The following CYP2C19 variants were observed in gnomAD, a reference collection of about 807,000 sequenced individuals.
The protein encoded by CYP2C19 is cytochrome P450 family 2 subfamily C member 19.
A neutral mutation model predicts 40.9 loss-of-function variants in CYP2C19; 59 were observed. The observed-to-expected ratio is 1.44, with a 90% CI of 1.17 to 1.79. The LOEUF (loss-of-function observed/expected upper bound fraction) is 1.79, where lower values mean the gene tolerates loss of function less well. Ranked by LOEUF, CYP2C19 falls within the 40% of genes most tolerant of loss-of-function variation. The pLI is 0.00. For synonymous variants in CYP2C19, 253 were observed against 208.7 expected (o/e 1.21, Z -1.83); for missense variants, 754 against 596.9 (o/e 1.26, Z -2.74).
intron 5 of CYP2C19, among the ~76,000 whole-genome samples, chr10:94,793,578 A>G (rs550115188): frequency 6.6e-6 from 1 of 152,132 alleles, no homozygotes; most frequent in East Asian, 1.9e-4. Context: ...TCCTTCTAAT[A>G]GTCAGGACTC....
chr10:94,833,892 T>C (rs1245835601), intron 6 of CYP2C19, among the ~76,000 whole-genome samples: 1 of 152,192 alleles, frequency 6.6e-6, no homozygotes, highest in Admixed American at 6.5e-5. Flanking sequence ...TATTGTTGAA[T>C]GTGGTTTCCT....
chr10:94,822,283 T>G (rs1301786906), intron 6 of CYP2C19, among the ~76,000 whole-genome samples: 1 of 152,156 alleles, frequency 6.6e-6, no homozygotes, highest in East Asian at 1.9e-4. Context: ...AAGTCTCTGA[T>G]AGCAAGACTT....
chr10:94,820,475 A>G (rs961133880), intron 5 of CYP2C19, 21 bp from the exon 6 acceptor site: 1 of 1,613,500 alleles, frequency 6.2e-7, no homozygotes. Flanking sequence ...TTGTCAGATA[A>G]TTGCATCAAA....
At chr10:94,807,086 A>G (rs927785180) in intron 5 of CYP2C19, among the ~76,000 whole-genome samples, 1 of 151,956 alleles carries the variant, frequency 6.6e-6, no homozygotes, top group Non-Finnish European at 1.5e-5. Context: ...TCTGTTCTCT[A>G]TTTCTGTGAG....
chr10:94,851,645 A>G (rs945889821), intron 8 of CYP2C19, among the ~76,000 whole-genome samples: 5 of 152,210 alleles, frequency 3.3e-5, no homozygotes, highest in Non-Finnish European at 5.9e-5. Flanking sequence ...CAGCAAGTTC[A>G]CTGTCTGGTG....
chr10:94,843,389 C>T (rs968329959), intron 7 of CYP2C19, among the ~76,000 whole-genome samples: 3 of 152,186 alleles, frequency 2.0e-5, no homozygotes, highest in African/African-American at 7.2e-5. Flanking sequence ...GACATCTTGA[C>T]ACCTTGAGTC....
chr10:94,853,287 T>C lies in CYP2C19; in HGVS notation c.*373T>C. On this transcript the variant is annotated 3_prime_UTR_variant, in exon 9 of 9. Transcript: ENST00000371321. ...TCAGGTTATTAGACCTTCCTTCCTT[T>C]GTGCATAATGCAGGTGACAAATTAA... 1 of 374,662 alleles carries C rather than the reference T, an allele frequency of 2.7e-6. No homozygotes were observed. The highest frequency in any genetic ancestry group is 4.9e-6 in the Non-Finnish European group (1 of 205,214). The allele number at this position is 374,662 out of a possible 1,614,324, so 23.2% of individuals were successfully genotyped here.
intron 3 of CYP2C19, 129 bp downstream of exon 3, chr10:94,775,668 G>T: frequency 1.3e-6 from 2 of 1,523,212 alleles, no homozygotes; most frequent in Non-Finnish European, 1.8e-6. Context: ...TGTGAAGCAG[G>T]GTTTGAAGCT....
intron 5 of CYP2C19, among the ~76,000 whole-genome samples, chr10:94,800,382 C>A (rs1396535035): frequency 6.6e-6 from 1 of 152,208 alleles, no homozygotes; most frequent in Non-Finnish European, 1.5e-5. Context: ...CTGCCTGCTC[C>A]TTTCTCTGGA....
intron 6 of CYP2C19, among the ~76,000 whole-genome samples, chr10:94,835,978 G>A (rs1295781292): frequency 6.6e-6 from 1 of 152,098 alleles, no homozygotes; most frequent in Non-Finnish European, 1.5e-5. Context: ...ATCAGTCAAG[G>A]GAACCTCTAA....
intron 3 of CYP2C19, chr10:94,775,913 C>T (rs1303744441): frequency 6.8e-6 from 2 of 294,634 alleles, no homozygotes; most frequent in East Asian, 8.4e-5. Flanking sequence ...GACAAGTGGA[C>T]ATGGTGGAAA....
At position 94,797,292 on chromosome 10, in the gene CYP2C19, G is replaced by A. The variant is rs183102260; in HGVS notation, c.819+15295G>A. The stretch of plus-strand genomic sequence containing the variant: ...TGGTTCTGTTTATATGCTGGATTAC[G>A]TTTATTGATTTGCATATGTTGAACC... On this transcript the variant is annotated intron_variant, in intron 5 of 8. Transcript: ENST00000371321. Among the ~76,000 whole-genome samples the A allele has an allele frequency of 9.5e-3, 1,439 of 152,142 alleles. 15 individuals carry two copies. Among genetic ancestry groups the A allele is most frequent in the Non-Finnish European group, 0.012 (813 of 68,000 alleles).
intron 5 of CYP2C19, among the ~76,000 whole-genome samples, chr10:94,796,621 C>T (rs1848692297): frequency 6.6e-6 from 1 of 152,116 alleles, no homozygotes; most frequent in African/African-American, 2.4e-5. Context: ...TTCTTCCTAT[C>T]CATGAGCATG....
chr10:94,802,929 C>T (rs1452999222), intron 5 of CYP2C19, among the ~76,000 whole-genome samples: 1 of 152,120 alleles, frequency 6.6e-6, no homozygotes, highest in Non-Finnish European at 1.5e-5. Flanking sequence ...TCTCTTCTCG[C>T]TTGTCATGTT....
chr10:94,835,594 CT>C (rs1248755039), intron 6 of CYP2C19, among the ~76,000 whole-genome samples: 3 of 152,006 alleles, frequency 2.0e-5, no homozygotes, highest in Non-Finnish European at 2.9e-5. Context: ...CTTTCCTTTC[CT>C]TTCTGATGAC....
chr10:94,852,757 G>A lies in CYP2C19; in HGVS notation c.1316G>A (p.Gly439Asp), dbSNP rs759621183. The A allele has an allele frequency of 4.3e-6, 7 of 1,614,004 alleles. No individual in the cohort carries two copies. In the South Asian group the frequency reaches 7.7e-5, roughly 18 times the overall value. The change falls in exon 9 of 9, where the codon GGC becomes GAC. Residue 439 changes from glycine to aspartate, a missense_variant. Physicochemically the swap from Gly to Asp is moderately conservative, Grantham distance 94. Transcript: ENST00000371321. Reference sequence around the variant, plus strand: ...GGAAAACGGATTTGTGTGGGAGAGGGCCTGGCCCGCATGGAGCTGTTTTTA... The same window carrying A: ...GGAAAACGGATTTGTGTGGGAGAGGACCTGGCCCGCATGGAGCTGTTTTTA... ...SAGKRICVGE[G>D]LARMELFLFL...
intron 5 of CYP2C19, among the ~76,000 whole-genome samples, chr10:94,783,217 A>G (rs1848500937): frequency 6.6e-6 from 1 of 152,162 alleles, no homozygotes; most frequent in Non-Finnish European, 1.5e-5. Context: ...ATGTCATAGG[A>G]TGAAAATGGG....
At chr10:94,824,166 T>C (rs1001464376) in intron 6 of CYP2C19, among the ~76,000 whole-genome samples, 2 of 152,192 alleles carry the variant, frequency 1.3e-5, no homozygotes, top group African/African-American at 4.8e-5. Context: ...CAGAGAACCA[T>C]ATTTATGTAG....
At chr10:94,816,615 A>C (rs1256457432) in intron 5 of CYP2C19, among the ~76,000 whole-genome samples, 5 of 151,354 alleles carry the variant, frequency 3.3e-5, no homozygotes, top group South Asian at 2.1e-4. Flanking sequence ...TTTAGGGTAC[A>C]TGTGCACATT....
Sources: allele counts gnomAD v4.1 joint callset (sites outside exome capture counted in the v4.1 genomes callset), GRCh38; gene constraint gnomAD v4.1.1; transcripts MANE v1.5; gene names NCBI Gene and HGNC (gene_info 2026-07-23, HGNC 2026-07-21).